The following SMAD1 variants were observed in gnomAD, a reference collection of about 807,000 sequenced individuals.
The protein encoded by SMAD1 is SMAD family member 1, also known as MAD, mothers against decapentaplegic homolog 1.
SMAD1 carries 6 observed loss-of-function variants against 41.6 expected under a neutral mutation model. The observed-to-expected ratio is 0.14, with a 90% CI of 0.08 to 0.28. The LOEUF (loss-of-function observed/expected upper bound fraction) is 0.28. SMAD1 is among the 10% of genes least tolerant of loss of function. The pLI, the probability that SMAD1 is intolerant of heterozygous loss-of-function variation, is 1.00. For synonymous variants in SMAD1, 206 were observed against 203.2 expected (o/e 1.01, Z -0.12); for missense variants, 379 against 582.6 (o/e 0.65, Z 3.60).
At chr4:145,521,110 T>A (rs1371017746) in intron 2 of SMAD1, among the ~76,000 whole-genome samples, 1 of 152,234 alleles carries the variant, frequency 6.6e-6, no homozygotes, top group African/African-American at 2.4e-5. Flanking sequence ...TCCCTGCTGA[T>A]GATTTAACAG....
chr4:145,537,312 GTATGTTACC>G (rs1000254125), intron 2 of SMAD1, among the ~76,000 whole-genome samples: 2 of 152,152 alleles, frequency 1.3e-5, no homozygotes, highest in Non-Finnish European at 2.9e-5. Context: ...AAAGGGACAT[GTATGTTACC>G]TGCTCTCAGA....
chr4:145,506,556 A>G (rs1186543803), intron 1 of SMAD1, among the ~76,000 whole-genome samples: 8 of 152,184 alleles, frequency 5.3e-5, no homozygotes, highest in Non-Finnish European at 1.2e-4. Context: ...AACAGCCTCT[A>G]GTCTGAAGCT....
At chr4:145,557,248 T>C (rs989351256) in intron 6 of SMAD1, among the ~76,000 whole-genome samples, 1 of 152,222 alleles carries the variant, frequency 6.6e-6, no homozygotes, top group African/African-American at 2.4e-5. Flanking sequence ...ATGTATTGAT[T>C]CATGGCAATG....
At chr4:145,500,335 C>T (rs11930852) in intron 1 of SMAD1, among the ~76,000 whole-genome samples, 1,950 of 152,216 alleles carry the variant, frequency 0.013, 41 homozygotes, top group African/African-American at 0.044. Flanking sequence ...CTGTGGGTCC[C>T]GCACATACCT....
intron 1 of SMAD1, among the ~76,000 whole-genome samples, chr4:145,496,346 T>A (rs1008398380): frequency 6.6e-6 from 1 of 152,114 alleles, no homozygotes; most frequent in African/African-American, 2.4e-5. Flanking sequence ...TGTGCCTCAG[T>A]TTTGTCATCT....
intron 2 of SMAD1, among the ~76,000 whole-genome samples, chr4:145,529,875 G>A (rs185148111): frequency 2.5e-3 from 384 of 152,288 alleles, no homozygotes; most frequent in Middle Eastern, 6.8e-3. Context: ...CAGAATTGCT[G>A]AAGGTTTTGA....
At position 145,520,383 on chromosome 4, in the gene SMAD1, G is replaced by A. The variant is rs116373033; in HGVS notation, c.400+5370G>A. ...AACCCTTCCACAGACCTACAATACT[G>A]AATCAGACTCTGGAGATGGGGACAG... On this transcript the variant is annotated intron_variant, in intron 2 of 6. Transcript: ENST00000302085. 2.1e-3 allele frequency among the ~76,000 whole-genome samples: 316 copies of A among 152,326 alleles called. 2 individuals carry two copies. The highest frequency in any genetic ancestry group is 7.4e-3 in the African/African-American group (307 of 41,570).
At chr4:145,507,564 C>A (rs1461435704) in intron 1 of SMAD1, among the ~76,000 whole-genome samples, 3 of 151,624 alleles carry the variant, frequency 2.0e-5, no homozygotes, top group African/African-American at 7.3e-5. Flanking sequence ...AAACAATTTT[C>A]CCTTTCTGGT....
chr4:145,533,054 A>G (rs1731407962), intron 2 of SMAD1, among the ~76,000 whole-genome samples: 1 of 152,226 alleles, frequency 6.6e-6, no homozygotes, highest in Non-Finnish European at 1.5e-5. Context: ...CATCTGGGAG[A>G]GAACCACGCA....
intron 2 of SMAD1, among the ~76,000 whole-genome samples, chr4:145,522,684 GT>G (rs199773266): frequency 6.6e-6 from 1 of 151,144 alleles, no homozygotes; most frequent in South Asian, 2.1e-4. Context: ...TTGTTTTTTT[GT>G]TTTTTTTAAT....
Position 145,557,808 on chromosome 4 carries a change from C to T in SMAD1, c.1272C>T (p.Tyr424=). 1 of 1,608,714 alleles carries T rather than the reference C, an allele frequency of 6.2e-7. No homozygotes were observed. Among genetic ancestry groups the T allele is most frequent in the Non-Finnish European group, 8.5e-7 (1 of 1,176,716 alleles). The change falls in exon 7 of 7, where the codon TAC becomes TAT. Residue 424 remains tyrosine, a synonymous_variant. Coordinates refer to ENST00000302085, the MANE Select transcript of SMAD1 (RefSeq NM_005900.3). Reference sequence around the variant, plus strand: ...TTTCCTAGGGCTGGGGAGCAGAATACCACCGCCAGGATGTTACTAGCACCC... The same window carrying T: ...TTTCCTAGGGCTGGGGAGCAGAATATCACCGCCAGGATGTTACTAGCACCC... ...MSFVKGWGAE[Y]HRQDVTSTPC...
chr4:145,530,278 G>A (rs1731253366), intron 2 of SMAD1, among the ~76,000 whole-genome samples: 1 of 152,166 alleles, frequency 6.6e-6, no homozygotes, highest in Non-Finnish European at 1.5e-5. Flanking sequence ...GGCACCATGG[G>A]AGTGCTGTTA....
chr4:145,528,995 T>C (rs186307671), intron 2 of SMAD1, among the ~76,000 whole-genome samples: 3 of 152,336 alleles, frequency 2.0e-5, no homozygotes, highest in Admixed American at 1.3e-4. Flanking sequence ...TGAGTTAATA[T>C]CTGGTACAGC....
chr4:145,525,955 T>C (rs1050883684), intron 2 of SMAD1: 6 of 152,260 alleles, frequency 3.9e-5, no homozygotes, highest in Non-Finnish European at 8.8e-5. Flanking sequence ...TCTGGAATCT[T>C]AGCAGGTTTT....
chr4:145,540,151 G>A lies in SMAD1; in HGVS notation c.658+90G>A, dbSNP rs1223990439. 3 of 1,495,862 alleles carry A rather than the reference G, an allele frequency of 2.0e-6. No homozygotes were observed. The Admixed American group carries it at 5.2e-5, about 26-fold the overall frequency. The allele number at this position is 1,495,862 out of a possible 1,614,324, so 92.7% of individuals were successfully genotyped here. ...AAAGCTGGGTCAACCTGCAGTGGAG[G>A]GAGGTTTTCAGCCCTGGTATATGAC... On this transcript the variant is annotated intron_variant, in intron 3 of 6. Transcript: ENST00000302085.
chr4:145,499,478 A>G (rs1410066373), intron 1 of SMAD1, among the ~76,000 whole-genome samples: 1 of 152,102 alleles, frequency 6.6e-6, no homozygotes, highest in African/African-American at 2.4e-5. Context: ...AAAATTAGCC[A>G]GGCGAGATGG....
chr4:145,547,002 C>T, intron 5 of SMAD1, 78 bp downstream of exon 5: 1 of 1,098,362 alleles, frequency 9.1e-7, no homozygotes, highest in Non-Finnish European at 1.4e-6. Flanking sequence ...AAAATCATTC[C>T]TGTAACAAAC....
intron 2 of SMAD1, among the ~76,000 whole-genome samples, chr4:145,524,309 G>C (rs1323521521): frequency 6.6e-6 from 1 of 152,060 alleles, no homozygotes. Context: ...CAAATGTGAA[G>C]CTTGTTATTT....
chr4:145,493,563 AC>A (rs1489406737), intron 1 of SMAD1, among the ~76,000 whole-genome samples: 17 of 152,246 alleles, frequency 1.1e-4, no homozygotes, highest in Non-Finnish European at 2.2e-4. Context: ...AAATGTTGGC[AC>A]AAAAACTGTA....
Sources: gnomAD v4.1 joint callset for allele counts (sites outside exome capture counted in the v4.1 genomes callset) on GRCh38, gnomAD v4.1.1 for gene constraint, MANE v1.5 for transcripts, NCBI Gene and HGNC (gene_info 2026-07-23, HGNC 2026-07-21) for gene names.